Variants in ANK2 observed in about 807,000 individuals in gnomAD.
The protein encoded by ANK2 is ankyrin 2.
In ANK2, 83 loss-of-function variants were observed where a neutral mutation model predicts 360.5. The ratio of observed to expected loss-of-function variants is 0.23; its 90% CI spans 0.19 to 0.28. The LOEUF (loss-of-function observed/expected upper bound fraction) is 0.28. ANK2 is among the 10% of genes least tolerant of loss of function. ANK2 has a pLI of 1.00. For missense variants in ANK2, 4,201 were observed against 4,795.7 expected, an observed-to-expected ratio of 0.88 and a Z score of 3.66; for synonymous variants, 1,740 against 1,759.5, an observed-to-expected ratio of 0.99 and a Z score of 0.28.
At chr4:113,207,274 T>A (rs978047486) in intron 4 of ANK2, among the ~76,000 whole-genome samples, 36 of 152,268 alleles carry the variant, frequency 2.4e-4, no homozygotes, top group African/African-American at 8.4e-4. Flanking sequence ...CTGCTTGTCA[T>A]TTTATTCTGA....
chr4:113,117,123 A>G (rs1007432092), intron 1 of ANK2: 1 of 367,692 alleles, frequency 2.7e-6, no homozygotes, highest in Non-Finnish European at 5.3e-6. Flanking sequence ...CTGGAGCAAG[A>G]TTATGACCTA....
At chr4:113,015,224 A>G (rs2056256781) in intron 2 of ANK2, among the ~76,000 whole-genome samples, 2 of 152,154 alleles carry the variant, frequency 1.3e-5, no homozygotes, top group Admixed American at 6.5e-5. Context: ...CTGGCACATA[A>G]TAGTGTCTAA....
chr4:113,246,453 A>G (rs1286351662), intron 9 of ANK2, among the ~76,000 whole-genome samples: 1 of 152,210 alleles, frequency 6.6e-6, no homozygotes, highest in African/African-American at 2.4e-5. Context: ...TTTTACTGGT[A>G]TCTGAAAGAC....
At chr4:112,913,779 A>G (rs1202903812) in intron 2 of ANK2, among the ~76,000 whole-genome samples, 1 of 152,232 alleles carries the variant, frequency 6.6e-6, no homozygotes, top group African/African-American at 2.4e-5. Flanking sequence ...AAGTTATAAC[A>G]TAGTGCATGG....
At chr4:112,711,470 C>T in the ANK2 span, among the ~76,000 whole-genome samples, 1 of 152,082 alleles carries the variant, frequency 6.6e-6, no homozygotes, top group Admixed American at 6.6e-5. Flanking sequence ...TTGCAGTGAG[C>T]TGTGATCATG....
rs1046554003 is a variant in ANK2 at position 113,036,891 on chromosome 4, C to T, written c.21+132377C>T. 2.0e-5 allele frequency among the ~76,000 whole-genome samples: 3 copies of T among 151,892 alleles called. No homozygotes were observed. In the South Asian group the frequency reaches 6.2e-4, roughly 31 times the overall value. Reference sequence around the variant, plus strand: ...CCCTCTGGAGCAAAGTACACACATACTTATTGCCCACTATAAAAGATTCAG... The same window carrying T: ...CCCTCTGGAGCAAAGTACACACATATTTATTGCCCACTATAAAAGATTCAG... On this transcript the variant is annotated intron_variant, in intron 2 of 30. Coordinates refer to the ANK2 transcript ENST00000503271.
the ANK2 span, among the ~76,000 whole-genome samples, chr4:112,796,433 T>A: frequency 2.4e-5 from 3 of 124,760 alleles, no homozygotes; most frequent in Admixed American, 8.9e-5. Flanking sequence ...CAAAAAAAAA[T>A]ATCTATATAT....
At chr4:113,154,575 C>T (rs1046063851) in intron 1 of ANK2, among the ~76,000 whole-genome samples, 9 of 152,206 alleles carry the variant, frequency 5.9e-5, no homozygotes, top group South Asian at 4.1e-4. Context: ...CTTAATATAT[C>T]GACTAATGTG....
intron 2 of ANK2, among the ~76,000 whole-genome samples, chr4:112,940,753 C>CTTTTT (rs1561197951): frequency 6.6e-6 from 1 of 152,146 alleles, no homozygotes; most frequent in Non-Finnish European, 1.5e-5. Flanking sequence ...AATCTGTAAA[C>CTTTTT]TCTTTTTTGC....
chr4:112,805,339 A>C, the ANK2 span, among the ~76,000 whole-genome samples: 5 of 152,252 alleles, frequency 3.3e-5, no homozygotes, highest in Admixed American at 6.5e-5. Flanking sequence ...AGAGGAAACC[A>C]GAAGTATTTG....
chr4:112,760,061 T>C, the ANK2 span, among the ~76,000 whole-genome samples: 6 of 152,160 alleles, frequency 3.9e-5, no homozygotes, highest in African/African-American at 1.4e-4. Context: ...CCAGGCTCCT[T>C]GACTACTACT....
intron 1 of ANK2, among the ~76,000 whole-genome samples, chr4:112,897,082 C>T (rs960016196): frequency 6.6e-6 from 1 of 152,100 alleles, no homozygotes; most frequent in Non-Finnish European, 1.5e-5. Flanking sequence ...CTCTTACAGC[C>T]GAGGTTAGAG....
intron 2 of ANK2, among the ~76,000 whole-genome samples, chr4:113,035,087 A>T (rs901812492): frequency 6.6e-6 from 1 of 151,358 alleles, no homozygotes; most frequent in Non-Finnish European, 1.5e-5. Context: ...ACTATTCTAG[A>T]TGTTATGAGT....
At position 113,322,863 on chromosome 4, in the gene ANK2, C is replaced by T. The variant is rs553961450; in HGVS notation, c.2900+4243C>T. On this transcript the variant is annotated intron_variant, in intron 26 of 45. Transcript: ENST00000357077. ...AATATTAATGTTTATCTAATATGTA[C>T]GGCAGTTAAGTTAGTTATTCATGTA... 7.6e-4 allele frequency among the ~76,000 whole-genome samples: 116 copies of T among 152,032 alleles called. 1 individual carries two copies. The Middle Eastern group carries it at 0.01, about 13-fold the overall frequency.
chr4:113,197,310 C>T (rs760210215), intron 3 of ANK2, among the ~76,000 whole-genome samples: 43 of 152,190 alleles, frequency 2.8e-4, no homozygotes, highest in Non-Finnish European at 4.9e-4. Flanking sequence ...GCTTGGCAAA[C>T]CAGAAACTGT....
chr4:113,212,927 A>G (rs2099041430), intron 4 of ANK2, among the ~76,000 whole-genome samples: 1 of 152,228 alleles, frequency 6.6e-6, no homozygotes, highest in South Asian at 2.1e-4. Flanking sequence ...CTTGTTTCAC[A>G]ACCTCCTTAG....
intron 26 of ANK2, among the ~76,000 whole-genome samples, chr4:113,320,749 G>A (rs549219954): frequency 1.2e-4 from 18 of 152,276 alleles, no homozygotes; most frequent in Admixed American, 3.9e-4. Flanking sequence ...GTCTACAAGC[G>A]CCAATAGTAC....
intron 4 of ANK2, among the ~76,000 whole-genome samples, chr4:113,199,734 A>C (rs552471800): frequency 1.8e-4 from 27 of 152,064 alleles, no homozygotes; most frequent in Non-Finnish European, 8.8e-5. Context: ...TCATGTACGC[A>C]TGTGGGGATT....
chr4:113,193,946 T>C (rs1242734677), intron 2 of ANK2, among the ~76,000 whole-genome samples: 4 of 152,204 alleles, frequency 2.6e-5, no homozygotes, highest in Non-Finnish European at 4.4e-5. Flanking sequence ...GTGAAACTCT[T>C]CATTCAACAT....
Sources: allele counts gnomAD v4.1 joint callset (sites outside exome capture counted in the v4.1 genomes callset), GRCh38; gene constraint gnomAD v4.1.1; transcripts MANE v1.5; gene names NCBI Gene and HGNC (gene_info 2026-07-23, HGNC 2026-07-21).